C6: variants seen among roughly 807,000 people sequenced by gnomAD.
C6 encodes complement C6.
A neutral mutation model predicts 112.9 loss-of-function variants in C6; 101 were observed. That is an observed-to-expected ratio of 0.89 (90% confidence interval 0.76 to 1.06). The LOEUF (loss-of-function observed/expected upper bound fraction) is 1.06. C6 is among the 50% of genes least tolerant of loss of function. The pLI, the probability that C6 is intolerant of heterozygous loss-of-function variation, is 0.00. For missense variants in C6, 1,202 were observed against 1,104.6 expected (o/e 1.09, Z -1.25); for synonymous variants, 431 against 384.1 (o/e 1.12, Z -1.43).
chr5:41,144,757 C>A (rs1745658964), intron 17 of C6, among the ~76,000 whole-genome samples: 1 of 152,072 alleles, frequency 6.6e-6, no homozygotes, highest in South Asian at 2.1e-4. Context: ...ACCCTCAAGT[C>A]GGCCCTGGTG....
intron 1 of C6, among the ~76,000 whole-genome samples, chr5:41,230,111 C>T (rs1482672611): frequency 6.6e-6 from 1 of 152,050 alleles, no homozygotes; most frequent in South Asian, 2.1e-4. Context: ...ATCACGTTAT[C>T]TTTGTAAGCT....
intron 17 of C6, among the ~76,000 whole-genome samples, chr5:41,145,993 C>A (rs1745784895): frequency 6.6e-6 from 1 of 152,222 alleles, no homozygotes; most frequent in Non-Finnish European, 1.5e-5. Flanking sequence ...ACTTAAGAAA[C>A]CCTTCCAGAC....
chr5:41,185,665 CT>C (rs776238471), intron 6 of C6, among the ~76,000 whole-genome samples: 1 of 151,906 alleles, frequency 6.6e-6, no homozygotes, highest in Non-Finnish European at 1.5e-5. Flanking sequence ...GAGCCTGGCA[CT>C]TTAAAAAAAA....
In C6 at chr5:41,159,076, C is replaced by T. The variant is rs1250489442; in HGVS notation, c.1856+6G>A. ...TGACCCATTCTTTTCCCTTACCCGG[C>T]CTTACTTGTTTTCCATGATTGAAAA... On this transcript the variant is annotated splice_donor_region_variant and intron_variant, in intron 12 of 17. Coordinates refer to ENST00000337836, the MANE Select transcript of C6 (RefSeq NM_000065.5). The T allele has an allele frequency of 6.2e-7, 1 of 1,613,558 alleles. No homozygotes were observed. The highest frequency in any genetic ancestry group is 8.5e-7 in the Non-Finnish European group (1 of 1,179,634).
In C6 at chr5:41,199,303, C is replaced by T. The variant is rs117504636; in HGVS notation, c.445+465G>A. On this transcript the variant is annotated intron_variant, in intron 4 of 17. Transcript: ENST00000337836. ...AGGTCAATGAACTATGGCCTGTAGG[C>T]TAAAACTGACCTGAACTATGGCCAA... Among the ~76,000 whole-genome samples, 48 of 152,142 alleles carry T rather than the reference C, an allele frequency of 3.2e-4. No individual in the cohort carries two copies. In the East Asian group the frequency reaches 8.9e-3, roughly 28 times the overall value.
intron 1 of C6, among the ~76,000 whole-genome samples, chr5:41,225,369 T>C (rs1467991513): frequency 6.6e-6 from 1 of 152,152 alleles, no homozygotes; most frequent in African/African-American, 2.4e-5. Flanking sequence ...TTTCCAGCTT[T>C]ATCCATATCC....
At chr5:41,204,651 T>A (rs2150372874) in intron 1 of C6, among the ~76,000 whole-genome samples, 1 of 148,796 alleles carries the variant, frequency 6.7e-6, no homozygotes, top group East Asian at 2.0e-4. Flanking sequence ...TGTTAATAAA[T>A]CAGTAAGCTT....
Position 41,161,686 on chromosome 5 carries a change from C to A in C6, c.1458+7G>T. The A allele has an allele frequency of 6.2e-7, 1 of 1,612,072 alleles. No homozygotes were observed. Among genetic ancestry groups the A allele is most frequent in the Non-Finnish European group, 8.5e-7 (1 of 1,178,328 alleles). The stretch of plus-strand genomic sequence containing the variant: ...GATCTCTTACCTGGAATAATTTTTA[C>A]TCTTACCTCAAAGTCAATCACAGCA... On this transcript the variant is annotated splice_region_variant and intron_variant, in intron 10 of 17. Transcript: ENST00000337836.
At chr5:41,169,248 C>A (rs1748228973) in intron 9 of C6, among the ~76,000 whole-genome samples, 1 of 152,086 alleles carries the variant, frequency 6.6e-6, no homozygotes, top group African/African-American at 2.4e-5. Context: ...CTCTAGGATA[C>A]TATCTGGCCA....
rs768225033 is a variant in C6 at position 41,176,767 on chromosome 5, G to A, written c.928-52C>T. The A allele has an allele frequency of 4.0e-6, 6 of 1,501,482 alleles. No individual in the cohort carries two copies. The African/African-American group carries it at 5.5e-5, about 14-fold the overall frequency. The allele number at this position is 1,501,482 out of a possible 1,614,324, so 93.0% of individuals were successfully genotyped here. A position where few individuals can be genotyped will look rare whatever the true frequency, so the allele number is the denominator to read the frequency against. ...TGATTAAAGGTAATGAAAGTTTGAA[G>A]TACCTAGCATTTAAATGTCATTGAT... On this transcript the variant is annotated intron_variant, in intron 7 of 17. Coordinates refer to ENST00000337836, the MANE Select transcript of C6 (RefSeq NM_000065.5).
Position 41,258,455 on chromosome 5 carries a change from T to C in C6, c.-21+2739A>G, listed in dbSNP as rs142244780. On this transcript the variant is annotated intron_variant, in intron 1 of 17. Coordinates refer to the C6 transcript ENST00000263413. Reference sequence around the variant, plus strand: ...TTTAAATGAAAATAGGAAGGTTATATGTTAACAGAAAAAGTTTCTAACTGG... The same window carrying C: ...TTTAAATGAAAATAGGAAGGTTATACGTTAACAGAAAAAGTTTCTAACTGG... Among the ~76,000 whole-genome samples the C allele has an allele frequency of 6.5e-3, 996 of 152,348 alleles. 12 individuals are homozygous for C. Among genetic ancestry groups the C allele is most frequent in the African/African-American group, 0.023 (955 of 41,580 alleles).
At chr5:41,189,693 C>T (rs1022403747) in intron 5 of C6, among the ~76,000 whole-genome samples, 2 of 151,938 alleles carry the variant, frequency 1.3e-5, no homozygotes, top group African/African-American at 4.8e-5. Flanking sequence ...ACCTGCAATG[C>T]TATAGAACAC....
intron 8 of C6, among the ~76,000 whole-genome samples, chr5:41,175,826 T>C (rs554970446): frequency 6.6e-6 from 1 of 152,316 alleles, no homozygotes; most frequent in East Asian, 1.9e-4. Context: ...ATGCAAGAGT[T>C]ACTCCAGTGG....
intron 17 of C6, among the ~76,000 whole-genome samples, chr5:41,148,710 A>C (rs149320648): frequency 1.9e-4 from 29 of 152,310 alleles, no homozygotes; most frequent in Admixed American, 5.9e-4. Context: ...AAAGTATAAC[A>C]GTGCCTGGGT....
At chr5:41,158,197 TA>T (rs61035999) in intron 13 of C6, among the ~76,000 whole-genome samples, 2,239 of 148,902 alleles carry the variant, frequency 0.015, 65 homozygotes, top group African/African-American at 0.052. Flanking sequence ...TGTGGCTTGG[TA>T]AAAAAAAAAG....
intron 1 of C6, among the ~76,000 whole-genome samples, chr5:41,220,035 C>G (rs1415428070): frequency 6.6e-6 from 1 of 152,096 alleles, no homozygotes; most frequent in East Asian, 1.9e-4. Flanking sequence ...TTAAAATAAT[C>G]AAACTCTGAT....
chr5:41,233,040 A>T (rs1483610009), intron 1 of C6, among the ~76,000 whole-genome samples: 1 of 152,068 alleles, frequency 6.6e-6, no homozygotes, highest in Non-Finnish European at 1.5e-5. Context: ...ATATTCTATT[A>T]TGTATATAAT....
At chr5:41,155,164 T>C in intron 13 of C6, 60 bp from the exon 14 acceptor site, 8 of 1,480,974 alleles carry the variant, frequency 5.4e-6, no homozygotes, top group Non-Finnish European at 7.5e-6. Context: ...CTAAACTCTT[T>C]AGTCTCACAC....
At chr5:41,150,073 C>T (rs370877297) in intron 15 of C6, 48 bp from the exon 16 acceptor site, 13 of 1,167,282 alleles carry the variant, frequency 1.1e-5, no homozygotes, top group Non-Finnish European at 1.7e-5. Context: ...AGCATGGATT[C>T]TAAGTGATAA....
Sources: allele counts gnomAD v4.1 joint callset (sites outside exome capture counted in the v4.1 genomes callset), GRCh38; gene constraint gnomAD v4.1.1; transcripts MANE v1.5; gene names NCBI Gene and HGNC (gene_info 2026-07-23, HGNC 2026-07-21).